The following CSMD2 variants were observed in gnomAD, a reference collection of about 807,000 sequenced individuals.
CSMD2 encodes CUB and Sushi multiple domains 2.
Under a neutral mutation model 398.5 loss-of-function variants are expected in CSMD2, and 130 were observed. That is an observed-to-expected ratio of 0.33 (90% confidence interval 0.28 to 0.38). The LOEUF (loss-of-function observed/expected upper bound fraction) is 0.38. CSMD2 is among the 10% of genes least tolerant of loss of function. CSMD2 has a pLI of 1.00. For synonymous variants in CSMD2, 1,828 were observed against 1,908.5 expected (o/e 0.96, Z 1.10); for missense variants, 3,829 against 4,764.9 (o/e 0.80, Z 5.78).
chr1:33,527,734 A>G (rs1328116003), intron 64 of CSMD2, among the ~76,000 whole-genome samples: 18 of 152,166 alleles, frequency 1.2e-4, no homozygotes, highest in Admixed American at 1.0e-3. Context: ...ATTCCAAATT[A>G]AAGGAGAGGC....
At chr1:34,161,453 G>A (rs1162153701) in intron 1 of CSMD2, among the ~76,000 whole-genome samples, 2 of 152,152 alleles carry the variant, frequency 1.3e-5, no homozygotes, top group East Asian at 3.9e-4. Context: ...AATGCTGCAG[G>A]ACACTATACT....
intron 5 of CSMD2, among the ~76,000 whole-genome samples, chr1:33,899,232 T>C (rs1489581813): frequency 6.6e-6 from 1 of 152,206 alleles, no homozygotes; most frequent in Non-Finnish European, 1.5e-5. Flanking sequence ...AAGGCCTCGA[T>C]GAGCCTGGCT....
chr1:34,012,811 A>G (rs1242735396), intron 3 of CSMD2, among the ~76,000 whole-genome samples: 1 of 152,218 alleles, frequency 6.6e-6, no homozygotes, highest in East Asian at 1.9e-4. Context: ...ATTATCCTTC[A>G]AACACACACA....
At chr1:34,093,488 G>A (rs1248796572) in intron 1 of CSMD2, among the ~76,000 whole-genome samples, 3 of 152,082 alleles carry the variant, frequency 2.0e-5, no homozygotes, top group South Asian at 2.1e-4. Context: ...CAAACCAAAG[G>A]CAAAGGAGTT....
chr1:34,101,589 A>C (rs964509808), intron 1 of CSMD2, among the ~76,000 whole-genome samples: 1 of 152,188 alleles, frequency 6.6e-6, no homozygotes. Flanking sequence ...AGGTGCAAAA[A>C]ATGTGATCTC....
At chr1:33,586,395 T>C in intron 46 of CSMD2, 109 bp downstream of exon 46, 1 of 682,764 alleles carries the variant, frequency 1.5e-6, no homozygotes, top group Non-Finnish European at 2.7e-6. Flanking sequence ...CCTTTCATGT[T>C]ATGGGGCAGT....
intron 7 of CSMD2, 31 bp from the exon 8 acceptor site, chr1:33,820,587 A>C (rs1363031069): frequency 1.7e-5 from 17 of 989,708 alleles, no homozygotes; most frequent in Non-Finnish European, 2.4e-5. Context: ...AAAAAAAAAA[A>C]ACAGCACACA....
At chr1:33,692,757 G>A (rs1645283000) in intron 25 of CSMD2, among the ~76,000 whole-genome samples, 173 bp downstream of exon 25, 1 of 152,230 alleles carries the variant, frequency 6.6e-6, no homozygotes, top group South Asian at 2.1e-4. Flanking sequence ...CTGAGAGGCT[G>A]AGACTGACCT....
chr1:33,984,317 T>C (rs1646274614), intron 3 of CSMD2, among the ~76,000 whole-genome samples: 1 of 152,196 alleles, frequency 6.6e-6, no homozygotes, highest in African/African-American at 2.4e-5. Flanking sequence ...TAGAGATCAC[T>C]TGTGGATCTT....
intron 29 of CSMD2, among the ~76,000 whole-genome samples, chr1:33,641,080 C>A (rs373628556): frequency 6.6e-6 from 1 of 152,212 alleles, no homozygotes. Context: ...TTCTACTTAA[C>A]CTTTAGGGCT....
chr1:33,737,837 C>T (rs1013702906), intron 15 of CSMD2, among the ~76,000 whole-genome samples: 4 of 152,188 alleles, frequency 2.6e-5, no homozygotes, highest in Admixed American at 6.5e-5. Flanking sequence ...ATGGAGTTTA[C>T]GTGACAGTGA....
intron 1 of CSMD2, among the ~76,000 whole-genome samples, chr1:34,106,900 C>T (rs768832065): frequency 3.3e-5 from 5 of 152,188 alleles, no homozygotes; most frequent in African/African-American, 4.8e-5. Context: ...GCCACCATTG[C>T]GGACCAAACA....
intron 12 of CSMD2, among the ~76,000 whole-genome samples, chr1:33,776,620 T>C (rs1403866931): frequency 6.6e-6 from 1 of 152,026 alleles, no homozygotes; most frequent in Non-Finnish European, 1.5e-5. Context: ...ATATGACTTG[T>C]CCCAGCAGCC....
intron 5 of CSMD2, among the ~76,000 whole-genome samples, chr1:33,899,561 T>C (rs1188905705): frequency 6.6e-6 from 1 of 152,186 alleles, no homozygotes; most frequent in African/African-American, 2.4e-5. Context: ...CTACACATAG[T>C]AATTGTATTT....
intron 3 of CSMD2, among the ~76,000 whole-genome samples, chr1:33,992,213 C>A (rs1646577136): frequency 6.6e-6 from 1 of 152,136 alleles, no homozygotes; most frequent in African/African-American, 2.4e-5. Flanking sequence ...CCTCACTTTC[C>A]ATCTGACAGA....
chr1:34,146,958 G>A (rs564910145), intron 1 of CSMD2, among the ~76,000 whole-genome samples: 10 of 152,236 alleles, frequency 6.6e-5, no homozygotes, highest in African/African-American at 2.2e-4. Context: ...CCATAGGAGC[G>A]AATGAAATAA....
intron 1 of CSMD2, among the ~76,000 whole-genome samples, chr1:34,090,793 C>T (rs1249304047): frequency 2.6e-5 from 4 of 152,234 alleles, no homozygotes; most frequent in Admixed American, 6.5e-5. Flanking sequence ...GTCATGCCAA[C>T]CTCCCAAATG....
intron 1 of CSMD2, among the ~76,000 whole-genome samples, chr1:34,096,299 A>G (rs1009110540): frequency 6.6e-5 from 10 of 151,462 alleles, no homozygotes; most frequent in Non-Finnish European, 1.3e-4. Flanking sequence ...CCCACAGCCA[A>G]TATCATACTG....
intron 1 of CSMD2, among the ~76,000 whole-genome samples, chr1:34,106,201 C>A (rs1209658971): frequency 6.6e-6 from 1 of 152,076 alleles, no homozygotes; most frequent in Non-Finnish European, 1.5e-5. Flanking sequence ...ATCTTACTAG[C>A]CATCTCCACG....
Sources: allele counts gnomAD v4.1 joint callset (sites outside exome capture counted in the v4.1 genomes callset), GRCh38; gene constraint gnomAD v4.1.1; transcripts MANE v1.5; gene names NCBI Gene and HGNC (gene_info 2026-07-23, HGNC 2026-07-21).